The following ZNF227 variants were observed in gnomAD, a reference collection of about 807,000 sequenced individuals.
The protein encoded by ZNF227 is zinc finger protein 227.
In ZNF227, 12 loss-of-function variants were observed where a neutral mutation model predicts 13.2. That is an observed-to-expected ratio of 0.91 (90% CI 0.58 to 1.47). The LOEUF (loss-of-function observed/expected upper bound fraction) is 1.47. Among genes scored for constraint, ZNF227 ranks in the 40% most tolerant of loss-of-function variants. The pLI is 0.00. For synonymous variants in ZNF227, 338 were observed against 326.0 expected (o/e 1.04, Z -0.40); for missense variants, 885 against 967.5 (o/e 0.91, Z 1.13).
chr19:44,211,064 A>AG (rs1971340708), upstream of ZNF227, among the ~76,000 whole-genome samples: 1 of 151,626 alleles, frequency 6.6e-6, no homozygotes, highest in Non-Finnish European at 1.5e-5. Flanking sequence ...CGTGGTGGGG[A>AG]GGGGGGTGCC....
chr19:44,236,147 G>T lies in ZNF227; in HGVS notation c.1717G>T (p.Glu573Ter). 1 of 1,614,192 alleles carries T rather than the reference G, an allele frequency of 6.2e-7. No individual in the cohort carries two copies. The highest frequency in any genetic ancestry group is 8.5e-7 in the Non-Finnish European group (1 of 1,180,038). Residue 573 changes from glutamate (E) to a stop codon, truncating the protein, a stop_gained, in exon 6 of 6, where the codon GAA (glutamate) becomes TAA (stop). Coordinates refer to ENST00000313040, the MANE Select transcript of ZNF227 (RefSeq NM_182490.3). LOFTEE classifies it low-confidence loss of function (END_TRUNC). ...LKLHQVIHTG[E>*]KPYKCEECGK... ...ACTACACCAAGTAATTCACACTGGAGAAAAACCATATAAATGTGAGGAATG... is the reference window on the plus strand; with the variant it reads ...ACTACACCAAGTAATTCACACTGGATAAAAACCATATAAATGTGAGGAATG...
intron 3 of ZNF227, among the ~76,000 whole-genome samples, chr19:44,223,755 T>G (rs931041178): frequency 6.6e-6 from 1 of 152,126 alleles, no homozygotes; most frequent in Non-Finnish European, 1.5e-5. Context: ...TTTTTGTGTC[T>G]CTATTTCCTT....
At chr19:44,213,710 C>T (rs1231330676) in intron 2 of ZNF227, 2 of 151,962 alleles carry the variant, frequency 1.3e-5, no homozygotes, top group African/African-American at 4.8e-5. Flanking sequence ...AAATAGTAAT[C>T]CATATGGCTA....
chr19:44,208,504 T>G (rs1971261769), upstream of ZNF227, among the ~76,000 whole-genome samples: 2 of 152,316 alleles, frequency 1.3e-5, no homozygotes, highest in South Asian at 4.1e-4. Flanking sequence ...TTCTAGGTTG[T>G]AAACCTGGCT....
At chr19:44,211,034 A>C (rs138587157), upstream of ZNF227, among the ~76,000 whole-genome samples, 1,803 of 152,224 alleles carry the variant, frequency 0.012, 31 homozygotes, top group African/African-American at 0.039. Flanking sequence ...TCTCTACTAA[A>C]AATACAAAAA....
At chr19:44,209,679 C>G (rs1971293953), upstream of ZNF227, among the ~76,000 whole-genome samples, 1 of 152,142 alleles carries the variant, frequency 6.6e-6, no homozygotes, top group Admixed American at 6.5e-5. Flanking sequence ...CTCCACCTCC[C>G]GGGTTCACGC....
At chr19:44,224,072 G>A (rs976247928) in intron 3 of ZNF227, among the ~76,000 whole-genome samples, 9 of 152,210 alleles carry the variant, frequency 5.9e-5, no homozygotes, top group Non-Finnish European at 1.2e-4. Flanking sequence ...TAGTTGAGCA[G>A]TTTTGAGTGA....
chr19:44,207,878 C>A (rs1971246418), upstream of ZNF227: 1 of 152,104 alleles, frequency 6.6e-6, no homozygotes, highest in South Asian at 2.1e-4. Context: ...AGTGTTATAA[C>A]GTTTTGTGAG....
intron 3 of ZNF227, among the ~76,000 whole-genome samples, chr19:44,218,100 T>C (rs932767400): frequency 6.6e-6 from 1 of 152,226 alleles, no homozygotes; most frequent in Admixed American, 6.5e-5. Context: ...AACTAGCTTT[T>C]TTCATTTTCC....
chr19:44,232,623 C>G (rs1273427554), intron 5 of ZNF227, among the ~76,000 whole-genome samples: 1 of 151,734 alleles, frequency 6.6e-6, no homozygotes, highest in Non-Finnish European at 1.5e-5. Context: ...CTAGGATAAT[C>G]TCCTTAAGAG....
chr19:44,210,823 C>T (rs1971328399), upstream of ZNF227, among the ~76,000 whole-genome samples: 1 of 152,192 alleles, frequency 6.6e-6, no homozygotes, highest in South Asian at 2.1e-4. Context: ...AAATTTCCAT[C>T]TTAGGAGATA....
intron 3 of ZNF227, among the ~76,000 whole-genome samples, chr19:44,222,827 C>A (rs1481226719): frequency 1.3e-5 from 2 of 150,936 alleles, no homozygotes; most frequent in Non-Finnish European, 1.5e-5. Context: ...AGAGAGGGCA[C>A]CCCTGTCTTG....
intron 5 of ZNF227, 90 bp from the exon 6 acceptor site, chr19:44,234,612 T>A: frequency 8.1e-7 from 1 of 1,228,616 alleles, no homozygotes; most frequent in Non-Finnish European, 1.1e-6. Flanking sequence ...CAAGGCTTTC[T>A]CCCATGGCCT....
chr19:44,209,231 G>A (rs1971284282), upstream of ZNF227, among the ~76,000 whole-genome samples: 1 of 151,980 alleles, frequency 6.6e-6, no homozygotes, highest in Non-Finnish European at 1.5e-5. Context: ...CCCCCACCCC[G>A]CCATCATTTG....
At chr19:44,230,991 G>T (rs1973775228) in intron 5 of ZNF227, among the ~76,000 whole-genome samples, 1 of 143,434 alleles carries the variant, frequency 7.0e-6, no homozygotes, top group South Asian at 2.1e-4. Flanking sequence ...TGTAGTCCCA[G>T]CTACTTGGGA....
Position 44,237,002 on chromosome 19 carries a change from T to C in ZNF227, c.*172T>C. 1.8e-6 allele frequency: 1 copy of C among 569,628 alleles called. No homozygotes were observed. The highest frequency in any genetic ancestry group is 2.7e-5 in the South Asian group (1 of 36,542). 35.3% of individuals were successfully genotyped at this position (569,628 alleles called of 1,614,324 possible). A position where few individuals can be genotyped will look rare whatever the true frequency, so the allele number is the denominator to read the frequency against. On this transcript the variant is annotated 3_prime_UTR_variant, in exon 6 of 6. Coordinates refer to ENST00000313040, the MANE Select transcript of ZNF227 (RefSeq NM_182490.3). ...GATAACACAGAACCATGAACAGGAA[T>C]AGAACTCGTATTTAGGGGAGAAATA...
chr19:44,232,548 T>C (rs1423410258), intron 5 of ZNF227, among the ~76,000 whole-genome samples: 1 of 152,220 alleles, frequency 6.6e-6, no homozygotes, highest in Admixed American at 6.5e-5. Flanking sequence ...GGGTGAAATC[T>C]GGGTGGCTTC....
chr19:44,229,873 T>C, intron 5 of ZNF227, 57 bp downstream of exon 5: 1 of 1,262,800 alleles, frequency 7.9e-7, no homozygotes, highest in South Asian at 1.8e-5. Context: ...TTAGTCTGCA[T>C]CTTACCATGT....
intron 2 of ZNF227, among the ~76,000 whole-genome samples, chr19:44,215,816 C>T (rs564330366): frequency 1.7e-4 from 26 of 151,894 alleles, no homozygotes; most frequent in African/African-American, 4.8e-4. Context: ...GATGAAACCC[C>T]GTCTGTACTA....
Sources: allele counts gnomAD v4.1 joint callset (sites outside exome capture counted in the v4.1 genomes callset), GRCh38; gene constraint gnomAD v4.1.1; transcripts MANE v1.5; gene names NCBI Gene and HGNC (gene_info 2026-07-23, HGNC 2026-07-21).